The following SNRPD1 variants were observed in gnomAD, a reference collection of about 807,000 sequenced individuals.
SNRPD1 encodes small nuclear ribonucleoprotein Sm D1.
Under a neutral mutation model 14.4 loss-of-function variants are expected in SNRPD1, and 1 was observed. That is an observed-to-expected ratio of 0.07 (90% CI 0.02 to 0.33). The LOEUF (loss-of-function observed/expected upper bound fraction) is 0.33. SNRPD1 is among the 10% of genes least tolerant of loss of function. The pLI is 1.00. For missense variants in SNRPD1, 52 were observed against 146.4 expected, an observed-to-expected ratio of 0.36 and a Z score of 3.33; for synonymous variants, 42 against 50.3, an observed-to-expected ratio of 0.83 and a Z score of 0.70.
Position 21,624,041 on chromosome 18 carries a change from T to G in SNRPD1, c.283+102T>G, listed in dbSNP as rs866222840. The G allele has an allele frequency of 1.9e-5, 14 of 730,520 alleles. No homozygotes were observed. The Middle Eastern group carries it at 2.3e-3, about 120-fold the overall frequency. The allele number at this position is 730,520 out of a possible 1,614,324, so 45.3% of individuals were successfully genotyped here. ...CAAACAACACAAGTGTCTTTGTTGT[T>G]TAATATTTCCTATAGTATGTATAGT... On this transcript the variant is annotated intron_variant, in intron 3 of 3. Transcript: ENST00000300413.
intron 1 of SNRPD1, among the ~76,000 whole-genome samples, chr18:21,612,998 C>T (rs1406202763): frequency 6.6e-6 from 1 of 152,098 alleles, no homozygotes; most frequent in Non-Finnish European, 1.5e-5. Flanking sequence ...CCACCGTGCC[C>T]GGCCGATTTT....
At chr18:21,612,466 C>T (rs371605642) in intron 1 of SNRPD1, 23 bp downstream of exon 1, 7 of 1,502,774 alleles carry the variant, frequency 4.7e-6, no homozygotes, top group South Asian at 1.3e-5. Context: ...CCAAGCAGCT[C>T]TGGGGGCTGT....
chr18:21,625,573 TC>T (rs2039031743), intron 3 of SNRPD1, among the ~76,000 whole-genome samples: 1 of 151,708 alleles, frequency 6.6e-6, no homozygotes, highest in Non-Finnish European at 1.5e-5. Context: ...GCCTCGGCCT[TC>T]CAAAGTGCTG....
chr18:21,619,108 G>A (rs2038978515), intron 1 of SNRPD1, among the ~76,000 whole-genome samples: 1 of 152,282 alleles, frequency 6.6e-6, no homozygotes, highest in East Asian at 1.9e-4. Context: ...GGTTATATAG[G>A]AGAATGTCAT....
chr18:21,628,982 T>A (rs529100036), intron 3 of SNRPD1, 80 bp from the exon 4 acceptor site: 13 of 984,756 alleles, frequency 1.3e-5, no homozygotes, highest in Non-Finnish European at 2.1e-5. Flanking sequence ...GAAAGGTGTG[T>A]GTGTAAATGT....
Position 21,612,315 on chromosome 18 carries a change from T to C in SNRPD1, c.-115T>C. The stretch of plus-strand genomic sequence containing the variant: ...TGCGCCTGCAGTGCTCCGCGCGCTC[T>C]TGACGTCCGGAGCCCCTGGAGTAGG... On this transcript the variant is annotated 5_prime_UTR_variant, in exon 1 of 4. Transcript: ENST00000300413. 2.9e-6 allele frequency: 2 copies of C among 686,898 alleles called. No homozygotes were observed. The highest frequency in any genetic ancestry group is 4.6e-6 in the Non-Finnish European group (2 of 433,314). 42.6% of individuals were successfully genotyped at this position (686,898 alleles called of 1,614,324 possible). A position where few individuals can be genotyped will look rare whatever the true frequency, so the allele number is the denominator to read the frequency against.
chr18:21,626,656 G>A (rs1160686657), intron 3 of SNRPD1, among the ~76,000 whole-genome samples: 1 of 150,726 alleles, frequency 6.6e-6, no homozygotes, highest in Non-Finnish European at 1.5e-5. Flanking sequence ...GTGTGGTGGC[G>A]GTCACCTATA....
chr18:21,616,130 C>T (rs547216304), intron 1 of SNRPD1, among the ~76,000 whole-genome samples: 22 of 152,170 alleles, frequency 1.4e-4, no homozygotes, highest in South Asian at 4.1e-4. Flanking sequence ...GGACTACAGG[C>T]GCCTGCCACC....
At position 21,630,034 on chromosome 18, in the gene SNRPD1, T is replaced by C. The variant is rs750233287; in HGVS notation, c.*896T>C. On this transcript the variant is annotated 3_prime_UTR_variant, in exon 4 of 4. Transcript: ENST00000300413. ...TTGCTTTGTTGTCTAGCTGCTAATG[T>C]CTTACTTTTGTTTCTTTTGCTTTTT... is the stretch of plus-strand genomic sequence containing the variant. 7 of 152,310 alleles carry C rather than the reference T, an allele frequency of 4.6e-5. No homozygotes were observed. Among genetic ancestry groups the C allele is most frequent in the Middle Eastern group, 3.4e-3 (1 of 294 alleles). 9.4% of individuals were successfully genotyped at this position (152,310 alleles called of 1,614,324 possible).
At chr18:21,622,495 GTT>G (rs908864505) in intron 1 of SNRPD1, among the ~76,000 whole-genome samples, 5 of 152,100 alleles carry the variant, frequency 3.3e-5, no homozygotes, top group Non-Finnish European at 5.9e-5. Flanking sequence ...TGGATTTCAG[GTT>G]TGAGAATTAG....
At position 21,612,399 on chromosome 18, in the gene SNRPD1, G is replaced by C. The variant is rs1282695881; in HGVS notation, c.-31G>C. 6.5e-7 allele frequency: 1 copy of C among 1,545,254 alleles called. No homozygotes were observed. Among genetic ancestry groups the C allele is most frequent in the Admixed American group, 1.8e-5 (1 of 55,224 alleles). ...GTTCGGTTGAAGGATTCTGTGTGCT[G>C]TCGGACCCAGAGGGTGACGGCGCCG... On this transcript the variant is annotated 5_prime_UTR_variant, in exon 1 of 4. Transcript: ENST00000300413.
intron 3 of SNRPD1, among the ~76,000 whole-genome samples, chr18:21,626,214 A>G (rs981534334): frequency 1.3e-5 from 2 of 151,716 alleles, no homozygotes; most frequent in Admixed American, 1.3e-4. Flanking sequence ...GCAACATGGC[A>G]TGAACTTTGT....
intron 3 of SNRPD1, among the ~76,000 whole-genome samples, chr18:21,627,345 T>A (rs1017574393): frequency 2.0e-4 from 30 of 151,982 alleles, no homozygotes; most frequent in African/African-American, 7.0e-4. Context: ...GAACTCTTGG[T>A]CTCAAACAAT....
chr18:21,631,847 A>G lies in SNRPD1; in HGVS notation c.*2709A>G, dbSNP rs1372780494. ...GTATCCAAGTAGAAGGCAAAAGGCA[A>G]GAGACCCCTGTAATGCAGCAAGTGG... On this transcript the variant is annotated 3_prime_UTR_variant, in exon 4 of 4. Transcript: ENST00000300413. The G allele has an allele frequency of 2.0e-5, 3 of 152,118 alleles. No homozygotes were observed. The highest frequency in any genetic ancestry group is 2.0e-4 in the Admixed American group (3 of 15,244). 9.4% of individuals were successfully genotyped at this position (152,118 alleles called of 1,614,324 possible).
At chr18:21,625,316 A>ATTTTGTTTTTTTTTTT (rs2039029091) in intron 3 of SNRPD1, among the ~76,000 whole-genome samples, 1 of 109,102 alleles carries the variant, frequency 9.2e-6, no homozygotes, top group East Asian at 2.7e-4. Context: ...GTTGAAAAAA[A>ATTTTGTTTTTTTTTTT]TTTTTTTTTT....
intron 3 of SNRPD1, among the ~76,000 whole-genome samples, chr18:21,625,244 C>G (rs981485556): frequency 6.6e-6 from 1 of 150,564 alleles, no homozygotes; most frequent in African/African-American, 2.5e-5. Context: ...TTAGATTTTT[C>G]AGAAGTTATT....
In SNRPD1 at chr18:21,612,357, T is replaced by A. The variant is rs1374973123; in HGVS notation, c.-73T>A. The A allele has an allele frequency of 9.6e-6, 12 of 1,254,234 alleles. No individual in the cohort carries two copies. Among genetic ancestry groups the A allele is most frequent in the Non-Finnish European group, 1.1e-5 (10 of 911,842 alleles). 77.7% of individuals were successfully genotyped at this position (1,254,234 alleles called of 1,614,324 possible). A position where few individuals can be genotyped will look rare whatever the true frequency, so the allele number is the denominator to read the frequency against. ...TGGAGTAGGCGCTTCCGGCCATTCATACTGCAGTCGGTCAGTGTTCGGTTG... is the reference window on the plus strand; with the variant it reads ...TGGAGTAGGCGCTTCCGGCCATTCAAACTGCAGTCGGTCAGTGTTCGGTTG... On this transcript the variant is annotated 5_prime_UTR_variant, in exon 1 of 4. Coordinates refer to ENST00000300413, the MANE Select transcript of SNRPD1 (RefSeq NM_006938.4).
intron 1 of SNRPD1, among the ~76,000 whole-genome samples, chr18:21,618,442 A>G (rs538865388): frequency 2.0e-5 from 3 of 151,540 alleles, no homozygotes; most frequent in African/African-American, 7.3e-5. Flanking sequence ...GCCTGGCCAC[A>G]TAAGGTTTTT....
At chr18:21,627,639 T>C (rs1007785688) in intron 3 of SNRPD1, among the ~76,000 whole-genome samples, 44 of 152,198 alleles carry the variant, frequency 2.9e-4, no homozygotes, top group African/African-American at 9.9e-4. Context: ...CCTCCAACTC[T>C]GTTTTTCCCA....
Sources: allele counts gnomAD v4.1 joint callset (sites outside exome capture counted in the v4.1 genomes callset), GRCh38; gene constraint gnomAD v4.1.1; transcripts MANE v1.5; gene names NCBI Gene and HGNC (gene_info 2026-07-23, HGNC 2026-07-21).